The following CACNA2D1 variants were observed in gnomAD, a reference collection of about 807,000 sequenced individuals.
CACNA2D1 encodes the protein voltage-dependent calcium channel subunit alpha-2/delta-1.
In CACNA2D1, 53 loss-of-function variants were observed where a neutral mutation model predicts 171.5. The ratio of observed to expected loss-of-function variants is 0.31; its 90% confidence interval spans 0.25 to 0.39. CACNA2D1 has a LOEUF of 0.39. CACNA2D1 is among the 10% of genes least tolerant of loss of function. The pLI is 1.00. For missense variants in CACNA2D1, 903 were observed against 1,299.8 expected (o/e 0.69, Z 4.69); for synonymous variants, 442 against 443.1 (o/e 1.00, Z 0.03).
intron 10 of CACNA2D1, among the ~76,000 whole-genome samples, chr7:82,055,516 AT>A (rs1011324435): frequency 1.3e-5 from 2 of 151,880 alleles, no homozygotes; most frequent in African/African-American, 4.8e-5. Context: ...ACCAACCGAA[AT>A]GTCCAACAAT....
intron 20 of CACNA2D1, among the ~76,000 whole-genome samples, chr7:81,993,654 A>AAAT (rs764692094): frequency 6.6e-6 from 1 of 152,190 alleles, no homozygotes; most frequent in East Asian, 1.9e-4. Flanking sequence ...TTCATAGAAT[A>AAAT]AATAACTTTT....
intron 21 of CACNA2D1, 90 bp from the exon 22 acceptor site, chr7:81,984,801 G>A (rs767096403): frequency 1.3e-5 from 10 of 744,790 alleles, no homozygotes; most frequent in Admixed American, 4.1e-5. Flanking sequence ...TGGGAAAATC[G>A]AAAGATCTTC....
intron 36 of CACNA2D1, 106 bp from the exon 37 acceptor site, chr7:81,959,935 T>C: frequency 6.7e-7 from 1 of 1,492,622 alleles, no homozygotes; most frequent in African/African-American, 1.4e-5. Context: ...ATATGACATC[T>C]GAAACAGAAA....
chr7:82,013,370 T>C, intron 14 of CACNA2D1, 91 bp downstream of exon 14: 1 of 440,680 alleles, frequency 2.3e-6, no homozygotes. Flanking sequence ...CTTTTCATTC[T>C]TGCTAATTTT....
intron 12 of CACNA2D1, chr7:82,029,378 G>C (rs369289087): frequency 6.6e-6 from 1 of 151,652 alleles, no homozygotes; most frequent in Non-Finnish European, 1.5e-5. Context: ...CAAAAAACTT[G>C]TGTGACTCAC....
At chr7:82,050,444 G>T (rs1325118450) in intron 10 of CACNA2D1, 3 of 612,344 alleles carry the variant, frequency 4.9e-6, no homozygotes, top group Non-Finnish European at 8.7e-6. Context: ...CAGGAGGACA[G>T]CCAGGGGTCA....
chr7:82,041,851 A>T (rs911549611), intron 10 of CACNA2D1, among the ~76,000 whole-genome samples: 19 of 152,182 alleles, frequency 1.2e-4, no homozygotes, highest in African/African-American at 4.6e-4. Flanking sequence ...AATTATTAGA[A>T]ATGGTTACAG....
intron 1 of CACNA2D1, among the ~76,000 whole-genome samples, chr7:82,369,724 T>C (rs946374730): frequency 4.6e-5 from 7 of 152,046 alleles, no homozygotes; most frequent in African/African-American, 1.4e-4. Context: ...AAGATATAGA[T>C]ATTTCACCTT....
intron 3 of CACNA2D1, among the ~76,000 whole-genome samples, chr7:82,298,987 G>A (rs1018385557): frequency 3.3e-5 from 5 of 151,354 alleles, no homozygotes; most frequent in Admixed American, 6.6e-5. Flanking sequence ...CCTTTGAACC[G>A]GGGAGGCAGA....
chr7:82,302,841 T>C (rs1585406935), intron 3 of CACNA2D1, among the ~76,000 whole-genome samples: 1 of 152,290 alleles, frequency 6.6e-6, no homozygotes, highest in East Asian at 1.9e-4. Context: ...AATATAATTG[T>C]CTACTAAAGG....
chr7:82,191,854 C>T (rs1346471507), intron 3 of CACNA2D1, among the ~76,000 whole-genome samples: 1 of 151,630 alleles, frequency 6.6e-6, no homozygotes, highest in African/African-American at 2.4e-5. Context: ...AAGAAATAGG[C>T]TGTAACATAC....
At chr7:82,297,071 C>CAAAAA (rs1812375935) in intron 3 of CACNA2D1, among the ~76,000 whole-genome samples, 2 of 34,414 alleles carry the variant, frequency 5.8e-5, no homozygotes, top group African/African-American at 4.2e-4. Flanking sequence ...TCTGTGTCTA[C>CAAAAA]CAAAAAAAAA....
chr7:82,435,714 C>T (rs1246175820), intron 1 of CACNA2D1, among the ~76,000 whole-genome samples: 2 of 152,068 alleles, frequency 1.3e-5, no homozygotes, highest in Non-Finnish European at 2.9e-5. Flanking sequence ...CTTAATCCAT[C>T]TTCTACATAT....
At chr7:82,241,577 T>C (rs112393635) in intron 3 of CACNA2D1, among the ~76,000 whole-genome samples, 23 of 152,194 alleles carry the variant, frequency 1.5e-4, no homozygotes, top group South Asian at 1.2e-3. Context: ...GATCTACTTA[T>C]ACCATCACCA....
At chr7:82,047,013 A>G (rs557379167) in intron 10 of CACNA2D1, among the ~76,000 whole-genome samples, 1 of 152,142 alleles carries the variant, frequency 6.6e-6, no homozygotes, top group African/African-American at 2.4e-5. Context: ...GAAGCCATTG[A>G]AAGTATGCTG....
At chr7:82,264,384 C>G (rs1372842152) in intron 3 of CACNA2D1, among the ~76,000 whole-genome samples, 1 of 152,036 alleles carries the variant, frequency 6.6e-6, no homozygotes, top group Admixed American at 6.6e-5. Flanking sequence ...TATAGATACT[C>G]ACTTATGTTT....
At chr7:82,397,274 C>G (rs990895372) in intron 1 of CACNA2D1, among the ~76,000 whole-genome samples, 1 of 152,094 alleles carries the variant, frequency 6.6e-6, no homozygotes, top group African/African-American at 2.4e-5. Flanking sequence ...TAACCTGTAT[C>G]ATTGTATTTG....
intron 3 of CACNA2D1, among the ~76,000 whole-genome samples, chr7:82,239,055 G>C (rs1803943496): frequency 6.6e-6 from 1 of 151,988 alleles, no homozygotes; most frequent in Non-Finnish European, 1.5e-5. Context: ...AAAGAAAATA[G>C]CAACCAATAG....
chr7:82,413,928 AG>A (rs1270829881), intron 1 of CACNA2D1, among the ~76,000 whole-genome samples: 2 of 152,202 alleles, frequency 1.3e-5, no homozygotes, highest in African/African-American at 4.8e-5. Flanking sequence ...CCTGAATAAA[AG>A]TTTAACTAAT....
Sources: gnomAD v4.1 joint callset for allele counts (sites outside exome capture counted in the v4.1 genomes callset) on GRCh38, gnomAD v4.1.1 for gene constraint, MANE v1.5 for transcripts, NCBI Gene and HGNC (gene_info 2026-07-23, HGNC 2026-07-21) for gene names.